The following CCDC88A variants were observed in gnomAD, a reference collection of about 807,000 sequenced individuals.
CCDC88A encodes the protein coiled-coil and HOOK domain protein 88A.
A neutral mutation model predicts 234.3 loss-of-function variants in CCDC88A; 54 were observed. The ratio of observed to expected loss-of-function variants is 0.23; its 90% confidence interval spans 0.19 to 0.29. The LOEUF is 0.29. CCDC88A is among the 10% of genes least tolerant of loss of function. CCDC88A has a pLI of 1.00. For synonymous variants in CCDC88A, 753 were observed against 737.8 expected (o/e 1.02, Z -0.33); for missense variants, 1,832 against 2,123.4 (o/e 0.86, Z 2.70).
chr2:55,302,911 C>T, intron 26 of CCDC88A, 158 bp downstream of exon 26: 1 of 558,200 alleles, frequency 1.8e-6, no homozygotes, highest in Non-Finnish European at 3.2e-6. Flanking sequence ...AATTCAGTGC[C>T]ACTTGAAAAA....
intron 2 of CCDC88A, among the ~76,000 whole-genome samples, chr2:55,390,170 C>T (rs996100250): frequency 6.6e-6 from 1 of 151,560 alleles, no homozygotes; most frequent in Non-Finnish European, 1.5e-5. Context: ...TGAGTGGTAT[C>T]GTTTTACTAT....
At chr2:55,394,686 A>G (rs1309046948) in intron 2 of CCDC88A, 2 of 149,736 alleles carry the variant, frequency 1.3e-5, no homozygotes, top group Non-Finnish European at 3.0e-5. Context: ...GAGGGATAGC[A>G]TTAGGAGATA....
intron 17 of CCDC88A, among the ~76,000 whole-genome samples, chr2:55,326,567 T>C (rs1246849539): frequency 6.6e-6 from 1 of 152,186 alleles, no homozygotes; most frequent in African/African-American, 2.4e-5. Context: ...TGGAAGTCAA[T>C]GATGGCTTTT....
intron 7 of CCDC88A, among the ~76,000 whole-genome samples, chr2:55,359,301 G>A (rs1289539793): frequency 2.6e-5 from 4 of 151,810 alleles, no homozygotes; most frequent in Non-Finnish European, 5.9e-5. Flanking sequence ...CTTAGTAGGT[G>A]GTGAAATGGA....
chr2:55,416,484 A>G (rs11125571), intron 2 of CCDC88A, among the ~76,000 whole-genome samples: 10,031 of 76,682 alleles, frequency 0.13, 1,204 homozygotes, highest in East Asian at 0.36. Flanking sequence ...ATATATATAT[A>G]TATGTATATA....
intron 3 of CCDC88A, chr2:55,388,449 TA>T (rs11365112): frequency 0.78 from 118,991 of 152,186 alleles, 46,716 homozygotes; most frequent in Admixed American, 0.88. Context: ...GTTTTTTTTT[TA>T]AAAAAAATGG....
At position 55,343,909 on chromosome 2, in the gene CCDC88A, C is replaced by A. The variant is rs904186321; in HGVS notation, c.1189-117G>T. ...AGAAACTCAGTAATAATTATGAGTT[C>A]TTTAAATTTTTCAGTTTTGAAGGCA... On this transcript the variant is annotated intron_variant, in intron 11 of 32. Transcript: ENST00000436346. 2.6e-5 allele frequency: 23 copies of A among 875,360 alleles called. No homozygotes were observed. The African/African-American group carries it at 2.8e-4, about 10-fold the overall frequency. 54.2% of individuals were successfully genotyped at this position (875,360 alleles called of 1,614,324 possible). A position where few individuals can be genotyped will look rare whatever the true frequency, so the allele number is the denominator to read the frequency against.
rs529159073 is a variant in CCDC88A, at chr2:55,294,202, C to T, written c.5551+1395G>A. The T allele has an allele frequency of 1.8e-5, 16 of 872,634 alleles. No individual in the cohort carries two copies. The South Asian group carries it at 3.7e-4, about 20-fold the overall frequency. The allele number at this position is 872,634 out of a possible 1,614,324, so 54.1% of individuals were successfully genotyped here. A position where few individuals can be genotyped will look rare whatever the true frequency, so the allele number is the denominator to read the frequency against. On this transcript the variant is annotated intron_variant, in intron 31 of 32. Transcript: ENST00000436346. ...TATAATTTGGTTTATTTCTCTTTGACTCTCTATAAAAAAAGAACTGGAAAA... is the reference window on the plus strand; with the variant it reads ...TATAATTTGGTTTATTTCTCTTTGATTCTCTATAAAAAAAGAACTGGAAAA...
rs1448589467 is a variant in CCDC88A, at chr2:55,288,567, G to T, written c.*2633C>A. The T allele has an allele frequency of 2.0e-5, 3 of 152,588 alleles. No individual in the cohort carries two copies. Among genetic ancestry groups the T allele is most frequent in the Non-Finnish European group, 4.4e-5 (3 of 68,020 alleles). 9.5% of individuals were successfully genotyped at this position (152,588 alleles called of 1,614,324 possible). A position where few individuals can be genotyped will look rare whatever the true frequency, so the allele number is the denominator to read the frequency against. ...AATATGCACAGTGATTTTAAAATAGGCTTTTTGCATGCCTTGCATGAAAGG... is the reference window on the plus strand; with the variant it reads ...AATATGCACAGTGATTTTAAAATAGTCTTTTTGCATGCCTTGCATGAAAGG... On this transcript the variant is annotated 3_prime_UTR_variant, in exon 33 of 33. Coordinates refer to ENST00000436346, the MANE Select transcript of CCDC88A (RefSeq NM_001365480.1).
chr2:55,411,740 A>T (rs1031673832), intron 2 of CCDC88A, among the ~76,000 whole-genome samples: 1 of 136,990 alleles, frequency 7.3e-6, no homozygotes, highest in Non-Finnish European at 1.5e-5. Context: ...AGATCACGCC[A>T]CTGTACTCCA....
At position 55,339,388 on chromosome 2, in the gene CCDC88A, G is replaced by A. The variant is rs1668193160; in HGVS notation, c.1518+76C>T. ...AACATTGAGCGTGCATTTAAAAAGT[G>A]GAAAATAAATGGGCTATTTATTTAC... On this transcript the variant is annotated intron_variant, in intron 13 of 32. Coordinates refer to ENST00000436346, the MANE Select transcript of CCDC88A (RefSeq NM_001365480.1). The A allele has an allele frequency of 3.3e-6, 4 of 1,203,028 alleles. No homozygotes were observed. In the South Asian group the frequency reaches 6.4e-5, roughly 19 times the overall value. 74.5% of individuals were successfully genotyped at this position (1,203,028 alleles called of 1,614,324 possible).
Position 55,373,180 on chromosome 2 carries a change from G to A in CCDC88A, c.344-670C>T, listed in dbSNP as rs528842066. ...TCTTTGGGCCAGATTTTCACCACTG[G>A]GCCAATCTGTCTATGAAAAAGTCCA... On this transcript the variant is annotated intron_variant, in intron 4 of 32. Coordinates refer to ENST00000436346, the MANE Select transcript of CCDC88A (RefSeq NM_001365480.1). 2.0e-5 allele frequency among the ~76,000 whole-genome samples: 3 copies of A among 152,156 alleles called. No individual in the cohort carries two copies. In the South Asian group the frequency reaches 6.2e-4, roughly 32 times the overall value.
At position 55,296,264 on chromosome 2, in the gene CCDC88A, T is replaced by C. The variant is rs1273432992; in HGVS notation, c.5085A>G (p.Ser1695=). 1.2e-6 allele frequency: 2 copies of C among 1,613,932 alleles called. No homozygotes were observed. Among genetic ancestry groups the C allele is most frequent in the African/African-American group, 2.7e-5 (2 of 74,934 alleles). The part of the protein sequence containing the change: ...QFLEESNKLT[S]VQIKSSSQEN... ...CATCATAGATAAAACTAACCTGTAC[T>C]GAGGTAAGCTTATTGCTTTCTTCCA... The change falls in exon 30 of 33, where the codon TCA becomes TCG. Residue 1695 remains serine, a synonymous_variant. Coordinates refer to ENST00000436346, the MANE Select transcript of CCDC88A (RefSeq NM_001365480.1).
At chr2:55,408,634 T>C (rs1057403764) in intron 2 of CCDC88A, among the ~76,000 whole-genome samples, 1 of 152,118 alleles carries the variant, frequency 6.6e-6, no homozygotes, top group African/African-American at 2.4e-5. Flanking sequence ...AGGGGAGGCA[T>C]GAATAATCTA....
At chr2:55,353,784 TA>T (rs1295568779) in intron 8 of CCDC88A, among the ~76,000 whole-genome samples, 1 of 152,194 alleles carries the variant, frequency 6.6e-6, no homozygotes, top group African/African-American at 2.4e-5. Flanking sequence ...ATGTAACATT[TA>T]CACTTACTTT....
Position 55,317,083 on chromosome 2 carries a change from AGGG to A in CCDC88A, c.3746+120_3746+122del. ...ATTCAAACTATGCTTGGTACTACAAAGGGGCAGTATATAGTTTGGATGTAAGAA... is the reference window on the plus strand; with the variant it reads ...ATTCAAACTATGCTTGGTACTACAAAGCAGTATATAGTTTGGATGTAAGAA... On this transcript the variant is annotated intron_variant, in intron 21 of 32. Coordinates refer to ENST00000436346, the MANE Select transcript of CCDC88A (RefSeq NM_001365480.1). The surrounding 1 kb of genome is among the most constrained non-coding windows in gnomAD (Gnocchi z 4.2). 3.0e-6 allele frequency: 1 copy of A among 328,836 alleles called. No homozygotes were observed. The highest frequency in any genetic ancestry group is 5.2e-6 in the Non-Finnish European group (1 of 192,450). The allele number at this position is 328,836 out of a possible 1,614,324, so 20.4% of individuals were successfully genotyped here. A position where few individuals can be genotyped will look rare whatever the true frequency, so the allele number is the denominator to read the frequency against.
At chr2:55,307,940 T>TA (rs1681827184) in intron 25 of CCDC88A, 1 of 152,810 alleles carries the variant, frequency 6.5e-6, no homozygotes, top group Non-Finnish European at 1.4e-5. Context: ...AGGTGCACAA[T>TA]ACTACAACGG....
At chr2:55,351,927 A>T (rs1361140405) in intron 8 of CCDC88A, among the ~76,000 whole-genome samples, 2 of 152,226 alleles carry the variant, frequency 1.3e-5, no homozygotes, top group Non-Finnish European at 2.9e-5. Context: ...TACAACATGG[A>T]TGAACCTGGA....
intron 3 of CCDC88A, among the ~76,000 whole-genome samples, chr2:55,384,591 ACATATATACG>A (rs1675226072): frequency 4.2e-4 from 1 of 2,380 alleles, no homozygotes; most frequent in Non-Finnish European, 2.5e-3. Context: ...GTATATATAC[ACATATATACG>A]TATATATGTG....
Sources: gnomAD v4.1 joint callset for allele counts (sites outside exome capture counted in the v4.1 genomes callset) on GRCh38, gnomAD v4.1.1 for gene constraint, Gnocchi (gnomAD v3.1) non-coding constraint, MANE v1.5 for transcripts, NCBI Gene and HGNC (gene_info 2026-07-23, HGNC 2026-07-21) for gene names.